The following EFTUD2 variants were observed in gnomAD, a reference collection of about 807,000 sequenced individuals.
EFTUD2 encodes 116 kDa U5 small nuclear ribonucleoprotein component.
EFTUD2 carries 9 observed loss-of-function variants against 114.3 expected under a neutral mutation model. The observed-to-expected ratio is 0.08, with a 90% CI of 0.05 to 0.14. EFTUD2 has a LOEUF of 0.14. Ranked by LOEUF, EFTUD2 falls within the 10% of genes least tolerant of loss-of-function variation. The pLI, the probability that EFTUD2 is intolerant of heterozygous loss-of-function variation, is 1.00. For synonymous variants in EFTUD2, 449 were observed against 462.3 expected (o/e 0.97, Z 0.37); for missense variants, 765 against 1,241.2 (o/e 0.62, Z 5.76).
chr17:44,854,478 T>C lies in EFTUD2; in HGVS notation c.2259+78A>G. The stretch of plus-strand genomic sequence containing the variant: ...TTCACCAGAGGACACAAGATACTTT[T>C]GGGAAAAGAACACTTTGTAGTTTCT... On this transcript the variant is annotated intron_variant, in intron 22 of 27. Transcript: ENST00000426333. The surrounding 1 kb of genome is among the most constrained non-coding windows in gnomAD (Gnocchi z 4.3). 3 of 1,581,234 alleles carry C rather than the reference T, an allele frequency of 1.9e-6. No homozygotes were observed. The highest frequency in any genetic ancestry group is 2.6e-6 in the Non-Finnish European group (3 of 1,161,072).
intron 7 of EFTUD2, among the ~76,000 whole-genome samples, chr17:44,880,997 G>GT (rs966188851): frequency 1.6e-4 from 24 of 151,514 alleles, no homozygotes; most frequent in South Asian, 8.3e-4. Context: ...GGGTATTTTA[G>GT]TTTTTTTTTA....
chr17:44,856,326 C>T (rs971108668), intron 20 of EFTUD2, among the ~76,000 whole-genome samples: 2 of 150,330 alleles, frequency 1.3e-5, no homozygotes, highest in Admixed American at 6.7e-5. Flanking sequence ...GTCAGGGGTT[C>T]GAGACCAGCC....
intron 13 of EFTUD2, among the ~76,000 whole-genome samples, chr17:44,866,800 T>C (rs1002574154): frequency 6.6e-6 from 1 of 152,190 alleles, no homozygotes; most frequent in African/African-American, 2.4e-5. Flanking sequence ...TCCCTTTTCC[T>C]GATGTTACAA....
intron 13 of EFTUD2, chr17:44,865,334 G>C (rs2050726074): frequency 2.8e-6 from 1 of 360,424 alleles, no homozygotes; most frequent in Admixed American, 4.4e-5. Flanking sequence ...GCTGCCCCCT[G>C]GTGTCTGAAA....
chr17:44,876,087 G>A lies in EFTUD2; in HGVS notation c.716C>T (p.Thr239Ile). 3.1e-6 allele frequency: 5 copies of A among 1,613,206 alleles called. No homozygotes were observed. The South Asian group carries it at 3.3e-5, about 11-fold the overall frequency. ...IDAAEGVMLNTERLIKHAVQE... is the reference protein window; with the variant it reads ...IDAAEGVMLNIERLIKHAVQE... ...CACCGCATGCTTGATCAGCCGCTCT[G>A]TGTTCAGCATCACCTGAGAAAAACA... Residue 239 changes from threonine to isoleucine, a missense_variant, in exon 10 of 28, where the codon ACA (threonine) becomes ATA (isoleucine). Thr to Ile is a moderately conservative substitution (Grantham distance 89). Around this residue, in one of 6 missense-constraint regions of EFTUD2, gnomAD observed 251 missense variants for 357.7 expected, o/e 0.70. Transcript: ENST00000426333.
At chr17:44,879,121 T>C (rs1223986374) in intron 9 of EFTUD2, among the ~76,000 whole-genome samples, 1 of 152,204 alleles carries the variant, frequency 6.6e-6, no homozygotes, top group Non-Finnish European at 1.5e-5. Context: ...TGTCTCACTC[T>C]AGCACCCAGG....
At chr17:44,865,276 T>C (rs1597800156) in intron 13 of EFTUD2, 5 of 557,242 alleles carry the variant, frequency 9.0e-6, no homozygotes, top group Non-Finnish European at 1.5e-5. Context: ...CTTGGTTACA[T>C]CCCCATCCCA....
At chr17:44,869,985 G>T (rs888454543) in intron 11 of EFTUD2, among the ~76,000 whole-genome samples, 1 of 152,208 alleles carries the variant, frequency 6.6e-6, no homozygotes, top group African/African-American at 2.4e-5. Context: ...TGGTAGTAAG[G>T]TGTAAATGGA....
intron 10 of EFTUD2, 25 bp from the exon 11 acceptor site, chr17:44,872,595 C>T: frequency 6.3e-7 from 1 of 1,581,484 alleles, no homozygotes; most frequent in South Asian, 1.1e-5. Flanking sequence ...GTGGTGAACA[C>T]AGTGCCAGGC....
chr17:44,893,664 G>T (rs193201874), intron 2 of EFTUD2, among the ~76,000 whole-genome samples: 1 of 151,180 alleles, frequency 6.6e-6, no homozygotes, highest in East Asian at 2.0e-4. Flanking sequence ...AGCAGTATGA[G>T]ATCCCACTAA....
At chr17:44,859,347 G>C (rs2050614779) in intron 18 of EFTUD2, 166 bp from the exon 19 acceptor site, 1 of 636,192 alleles carries the variant, frequency 1.6e-6, no homozygotes, top group Admixed American at 2.4e-5. Flanking sequence ...ATCTGCCTAT[G>C]AGTGGGTCCT....
At chr17:44,871,828 G>C (rs917691686) in intron 11 of EFTUD2, among the ~76,000 whole-genome samples, 1 of 152,166 alleles carries the variant, frequency 6.6e-6, no homozygotes, top group African/African-American at 2.4e-5. Flanking sequence ...TCCCTCTAAG[G>C]AACTGCAACA....
At position 44,854,497 on chromosome 17, in the gene EFTUD2, A is replaced by G; in HGVS notation, c.2259+59T>C. ...TACTTTTGGGAAAAGAACACTTTGT[A>G]GTTTCTTCCACTCCAGAGGTAAGAG... On this transcript the variant is annotated intron_variant, in intron 22 of 27. Transcript: ENST00000426333. The surrounding 1 kb of genome is among the most constrained non-coding windows in gnomAD (Gnocchi z 4.3). 1 of 1,588,178 alleles carries G rather than the reference A, an allele frequency of 6.3e-7. No individual in the cohort carries two copies. The highest frequency in any genetic ancestry group is 2.2e-5 in the East Asian group (1 of 44,516).
chr17:44,895,495 C>CAAAAAAAAAAAAAAAAAAAA (rs34990843), intron 1 of EFTUD2, among the ~76,000 whole-genome samples: 1 of 88,122 alleles, frequency 1.1e-5, no homozygotes, highest in Non-Finnish European at 2.2e-5. Context: ...GACTCCATCT[C>CAAAAAAAAAAAAAAAAAAAA]AAAAAAAAAA....
At chr17:44,868,883 T>C (rs1167400782) in intron 11 of EFTUD2, among the ~76,000 whole-genome samples, 2 of 152,200 alleles carry the variant, frequency 1.3e-5, no homozygotes, top group African/African-American at 4.8e-5. Flanking sequence ...CTTTGGCTCA[T>C]CTTTCACCAA....
At chr17:44,878,886 G>A (rs1456659562) in intron 9 of EFTUD2, among the ~76,000 whole-genome samples, 1 of 152,112 alleles carries the variant, frequency 6.6e-6, no homozygotes, top group Admixed American at 6.5e-5. Context: ...CTCAATTGAG[G>A]AATACAGAAG....
chr17:44,860,654 A>AATGGC, intron 16 of EFTUD2, 111 bp from the exon 17 acceptor site: 3 of 681,642 alleles, frequency 4.4e-6, no homozygotes, highest in Non-Finnish European at 7.4e-6. Context: ...GCTGGAGTGC[A>AATGGC]GTGGCACAAT....
chr17:44,868,524 A>G, intron 11 of EFTUD2, 174 bp from the exon 12 acceptor site: 1 of 594,396 alleles, frequency 1.7e-6, no homozygotes, highest in South Asian at 2.2e-5. Context: ...AAAGAAGGAC[A>G]AGACTGGTCC....
intron 5 of EFTUD2, chr17:44,883,427 G>A (rs1331724729): frequency 3.3e-6 from 2 of 610,482 alleles, no homozygotes; most frequent in Non-Finnish European, 5.8e-6. Context: ...TCCAGATGTA[G>A]ACATAAGGCT....
Sources: gnomAD v4.1 joint callset for allele counts (sites outside exome capture counted in the v4.1 genomes callset) on GRCh38, gnomAD v4.1.1 for gene constraint, gnomAD v4.1.1 regional missense constraint, Gnocchi (gnomAD v3.1) non-coding constraint, MANE v1.5 for transcripts, NCBI Gene and HGNC (gene_info 2026-07-23, HGNC 2026-07-21) for gene names.